Variants in PTPRM observed in about 807,000 individuals in gnomAD.
PTPRM encodes the protein protein tyrosine phosphatase receptor type M, also known as receptor-type tyrosine-protein phosphatase mu.
In PTPRM, 47 loss-of-function variants were observed where a neutral mutation model predicts 186.7. That is an observed-to-expected ratio of 0.25 (90% CI 0.20 to 0.32). PTPRM has a LOEUF of 0.32. Among genes scored for constraint, PTPRM ranks in the 10% least tolerant of loss-of-function variants. The pLI is 1.00. For synonymous variants in PTPRM, 668 were observed against 674.9 expected (o/e 0.99, Z 0.16); for missense variants, 1,494 against 1,865.0 (o/e 0.80, Z 3.66).
intron 19 of PTPRM, among the ~76,000 whole-genome samples, chr18:8,276,738 A>C (rs1345400247): frequency 3.9e-5 from 6 of 152,150 alleles, no homozygotes; most frequent in African/African-American, 1.4e-4. Flanking sequence ...TTCTACAACA[A>C]AAAAATACAA....
At chr18:8,045,971 T>A (rs541638864) in intron 7 of PTPRM, among the ~76,000 whole-genome samples, 1 of 152,252 alleles carries the variant, frequency 6.6e-6, no homozygotes, top group Non-Finnish European at 1.5e-5. Context: ...CCACCCAAAA[T>A]CTCATCTTGA....
intron 7 of PTPRM, among the ~76,000 whole-genome samples, chr18:7,965,193 G>C (rs1005754159): frequency 6.6e-6 from 1 of 151,984 alleles, no homozygotes. Context: ...TTACAGGCAC[G>C]CGCCACCACG....
intron 12 of PTPRM, 76 bp from the exon 13 acceptor site, chr18:8,114,715 A>T: frequency 8.3e-7 from 1 of 1,206,370 alleles, no homozygotes; most frequent in Non-Finnish European, 1.2e-6. Context: ...GTGCTATTTA[A>T]ATAGAATTAC....
intron 14 of PTPRM, among the ~76,000 whole-genome samples, chr18:8,191,752 T>G (rs781430364): frequency 6.6e-6 from 1 of 152,180 alleles, no homozygotes; most frequent in African/African-American, 2.4e-5. Context: ...AGGAGACTCC[T>G]CTGACTACAT....
At chr18:8,270,403 A>G (rs1328398636) in intron 19 of PTPRM, 2 of 152,102 alleles carry the variant, frequency 1.3e-5, no homozygotes, top group African/African-American at 4.8e-5. Context: ...TCAGAATGAC[A>G]AATCAACCTA....
At chr18:8,191,959 A>G (rs1042833698) in intron 14 of PTPRM, among the ~76,000 whole-genome samples, 1 of 152,190 alleles carries the variant, frequency 6.6e-6, no homozygotes, top group African/African-American at 2.4e-5. Context: ...CATTTTCTAT[A>G]TATTCTTGTA....
intron 14 of PTPRM, among the ~76,000 whole-genome samples, chr18:8,172,551 A>G (rs765814595): frequency 5.3e-5 from 8 of 152,142 alleles, no homozygotes; most frequent in Non-Finnish European, 1.2e-4. Flanking sequence ...TGCAGGATGG[A>G]GGAATCTATA....
At chr18:8,016,553 AAAG>A (rs2084881007) in intron 7 of PTPRM, among the ~76,000 whole-genome samples, 1 of 151,646 alleles carries the variant, frequency 6.6e-6, no homozygotes, top group Non-Finnish European at 1.5e-5. Flanking sequence ...AAAAGAAAAA[AAAG>A]AAAAGAAAAC....
chr18:8,238,978 C>CT (rs570808996), intron 14 of PTPRM, among the ~76,000 whole-genome samples: 9,061 of 143,130 alleles, frequency 0.063, 591 homozygotes, highest in African/African-American at 0.16. Flanking sequence ...CATAGCTTCT[C>CT]TTTTTTTTTT....
At chr18:7,934,873 C>G (rs938613619) in intron 5 of PTPRM, among the ~76,000 whole-genome samples, 10 of 152,108 alleles carry the variant, frequency 6.6e-5, no homozygotes, top group African/African-American at 2.4e-4. Flanking sequence ...ATAGATAGTT[C>G]CTCATGAATT....
intron 7 of PTPRM, among the ~76,000 whole-genome samples, chr18:8,036,520 A>G (rs1486049280): frequency 6.6e-6 from 1 of 152,202 alleles, no homozygotes; most frequent in African/African-American, 2.4e-5. Flanking sequence ...AGGTGCAAAA[A>G]TGGTAAATTG....
chr18:8,147,032 A>G (rs552106357), intron 14 of PTPRM, among the ~76,000 whole-genome samples: 26 of 152,242 alleles, frequency 1.7e-4, no homozygotes, highest in African/African-American at 6.3e-4. Context: ...TACCAGTACC[A>G]TGCTGTTTTG....
chr18:8,067,054 A>G (rs484494), intron 7 of PTPRM, among the ~76,000 whole-genome samples: 98,638 of 152,116 alleles, frequency 0.65, 32,249 homozygotes, highest in African/African-American at 0.72. Context: ...TTATGCAGTG[A>G]AAAATAGTTT....
At chr18:7,815,799 G>A (rs1002848338) in intron 2 of PTPRM, 1 of 152,202 alleles carries the variant, frequency 6.6e-6, no homozygotes, top group Admixed American at 6.5e-5. Context: ...GTAGTTTAAA[G>A]TATGGGAATA....
intron 22 of PTPRM, among the ~76,000 whole-genome samples, chr18:8,326,823 T>A (rs1203430306): frequency 6.6e-6 from 1 of 152,206 alleles, no homozygotes; most frequent in Non-Finnish European, 1.5e-5. Context: ...GAATTAAATG[T>A]GAAACCTCAA....
intron 2 of PTPRM, among the ~76,000 whole-genome samples, chr18:7,885,783 C>T (rs1192065720): frequency 6.6e-6 from 1 of 152,102 alleles, no homozygotes; most frequent in Non-Finnish European, 1.5e-5. Context: ...AGTGTAAGAG[C>T]ATTTCATGCT....
intron 22 of PTPRM, among the ~76,000 whole-genome samples, chr18:8,320,985 T>A (rs1234608758): frequency 2.6e-5 from 4 of 152,158 alleles, no homozygotes; most frequent in Non-Finnish European, 5.9e-5. Context: ...AGAACAAGGA[T>A]GCATGTCAGA....
Position 7,789,471 on chromosome 18 carries a change from GAAGAA to G in PTPRM, c.196+15208_196+15212del, listed in dbSNP as rs1280776666. ...AAGCATTAGAATAATGCACTGAATGGAAGAAAAGAAAATTAAATTCATGAAGTGGC... is the reference window on the plus strand; with the variant it reads ...AAGCATTAGAATAATGCACTGAATGGAAGAAAATTAAATTCATGAAGTGGC... On this transcript the variant is annotated intron_variant, in intron 2 of 32. Coordinates refer to ENST00000580170, the MANE Select transcript of PTPRM (RefSeq NM_001105244.2). Among the ~76,000 whole-genome samples the G allele has an allele frequency of 2.0e-5, 3 of 152,136 alleles. No homozygotes were observed. In the East Asian group the frequency reaches 5.8e-4, roughly 29 times the overall value.
intron 2 of PTPRM, among the ~76,000 whole-genome samples, chr18:7,825,544 G>A (rs943695246): frequency 3.3e-5 from 5 of 152,030 alleles, no homozygotes; most frequent in Non-Finnish European, 4.4e-5. Flanking sequence ...TGTGAGGGAG[G>A]AGAAGACACA....
Sources: gnomAD v4.1 joint callset for allele counts (sites outside exome capture counted in the v4.1 genomes callset) on GRCh38, gnomAD v4.1.1 for gene constraint, MANE v1.5 for transcripts, NCBI Gene and HGNC (gene_info 2026-07-23, HGNC 2026-07-21) for gene names.